Variants in KIAA1755 observed in about 807,000 individuals in gnomAD.
KIAA1755 encodes uncharacterized protein KIAA1755.
Under a neutral mutation model 91.7 loss-of-function variants are expected in KIAA1755, and 68 were observed. The observed-to-expected ratio is 0.74, with a 90% CI of 0.61 to 0.91. The LOEUF is 0.91. KIAA1755 is among the 40% of genes least tolerant of loss of function. KIAA1755 has a pLI of 0.00. For synonymous variants in KIAA1755, 610 were observed against 604.6 expected (o/e 1.01, Z -0.13); for missense variants, 1,535 against 1,494.4 (o/e 1.03, Z -0.45).
At chr20:38,222,882 A>T (rs892132372) in intron 9 of KIAA1755, 3 of 518,928 alleles carry the variant, frequency 5.8e-6, no homozygotes, top group East Asian at 3.5e-5. Context: ...TGTTCTCCAC[A>T]TGGCAGTTGA....
chr20:38,260,327 G>T, intron 1 of KIAA1755, 171 bp downstream of exon 1: 1 of 1,558,282 alleles, frequency 6.4e-7, no homozygotes, highest in African/African-American at 1.4e-5. Context: ...ATGGGCTCCT[G>T]CCCTTGAACC....
chr20:38,256,449 CT>C (rs1420135621), intron 1 of KIAA1755, among the ~76,000 whole-genome samples: 1 of 152,228 alleles, frequency 6.6e-6, no homozygotes, highest in Non-Finnish European at 1.5e-5. Context: ...TTGGCTTACT[CT>C]TTTTTATTAA....
At chr20:38,234,198 A>G (rs1011841670) in intron 4 of KIAA1755, among the ~76,000 whole-genome samples, 12 of 152,192 alleles carry the variant, frequency 7.9e-5, no homozygotes, top group Non-Finnish European at 1.6e-4. Context: ...CTTGCCACCA[A>G]TGACAGATGA....
chr20:38,232,883 C>T (rs1180183944), intron 4 of KIAA1755, among the ~76,000 whole-genome samples: 1 of 151,878 alleles, frequency 6.6e-6, no homozygotes, highest in African/African-American at 2.4e-5. Flanking sequence ...TTTGGGAGAC[C>T]AAGGTAAGAG....
intron 5 of KIAA1755, among the ~76,000 whole-genome samples, chr20:38,229,022 T>C (rs1015013820): frequency 1.3e-5 from 2 of 152,150 alleles, no homozygotes; most frequent in Admixed American, 6.5e-5. Flanking sequence ...CCCACCCCTC[T>C]AGCCATCTGG....
In KIAA1755 at chr20:38,241,872, C is replaced by T; in HGVS notation, c.259G>A (p.Glu87Lys). Residue 87 changes from glutamate to lysine, a missense_variant, in exon 3 of 14, where the codon GAA becomes AAA. Transcript: ENST00000279024. ...AGGGGTGCCAAGTGGACCACAACTTCATCCCTCAGACAGAGTGGCCAGCCC... is the reference window on the plus strand; with the variant it reads ...AGGGGTGCCAAGTGGACCACAACTTTATCCCTCAGACAGAGTGGCCAGCCC... ...HEGWPLCLRD[E>K]VVVHLAPLNP... 1 of 1,614,004 alleles carries T rather than the reference C, an allele frequency of 6.2e-7. No individual in the cohort carries two copies. The highest frequency in any genetic ancestry group is 8.5e-7 in the Non-Finnish European group (1 of 1,180,014).
intron 4 of KIAA1755, 89 bp downstream of exon 4, chr20:38,239,439 C>A: frequency 8.2e-7 from 1 of 1,213,676 alleles, no homozygotes; most frequent in East Asian, 2.4e-5. Context: ...CCAGGGCATT[C>A]CCTGCCTCCC....
chr20:38,254,060 T>C (rs896246447), intron 1 of KIAA1755, among the ~76,000 whole-genome samples: 2 of 152,166 alleles, frequency 1.3e-5, no homozygotes, highest in African/African-American at 4.8e-5. Flanking sequence ...ATTTTTTGTA[T>C]TTTTAGTAGA....
At chr20:38,256,438 A>C (rs755586654) in intron 1 of KIAA1755, among the ~76,000 whole-genome samples, 1 of 152,160 alleles carries the variant, frequency 6.6e-6, no homozygotes, top group Non-Finnish European at 1.5e-5. Flanking sequence ...CTAATTTGTT[A>C]TTGGCTTACT....
At position 38,241,684 on chromosome 20, in the gene KIAA1755, C is replaced by A. The variant is rs771788597; in HGVS notation, c.447G>T (p.Trp149Cys). The A allele has an allele frequency of 5.0e-6, 8 of 1,614,244 alleles. No homozygotes were observed. The South Asian group carries it at 8.8e-5, about 18-fold the overall frequency. The change falls in exon 3 of 14, where the codon TGG becomes TGT. Residue 149 changes from tryptophan to cysteine, a missense_variant. Trp to Cys is a radical substitution (Grantham distance 215). Transcript: ENST00000279024. ...CAAAGTCACTGTTGATGGCCTCCAG[C>A]CATTCTTGGGTGAAAAGTATAGGGT... Reference protein sequence around the residue: ...PAYPILFTQEWLEAINSDFEG... With the variant: ...PAYPILFTQECLEAINSDFEG...
chr20:38,250,171 T>G (rs541249656), intron 1 of KIAA1755, among the ~76,000 whole-genome samples: 8 of 152,218 alleles, frequency 5.3e-5, no homozygotes, highest in Non-Finnish European at 1.2e-4. Context: ...ACTTACATAA[T>G]TGTGTTTTTC....
rs553290488 is a variant in KIAA1755, at chr20:38,234,990, TGGGTAAGTCG to T, written c.1748-3675_1748-3666del. 9.2e-5 allele frequency among the ~76,000 whole-genome samples: 14 copies of T among 152,232 alleles called. No homozygotes were observed. In the East Asian group the frequency reaches 2.5e-3, roughly 27 times the overall value. ...AATGAGGATGGCAAAATGAGGGTGG[TGGGTAAGTCG>T]GGGTTGCCCAAAGTTGCTGAAAAAT... On this transcript the variant is annotated intron_variant, in intron 4 of 13. Transcript: ENST00000279024.
At chr20:38,227,105 C>T (rs1185764288) in intron 7 of KIAA1755, 49 bp downstream of exon 7, 8 of 1,429,710 alleles carry the variant, frequency 5.6e-6, no homozygotes, top group East Asian at 2.3e-5. Flanking sequence ...CAGCTCAGCT[C>T]GAGCCCAACA....
intron 6 of KIAA1755, 69 bp from the exon 7 acceptor site, chr20:38,227,309 C>T (rs2075777181): frequency 8.3e-7 from 1 of 1,205,368 alleles, no homozygotes; most frequent in African/African-American, 1.5e-5. Flanking sequence ...CTTTGATTTC[C>T]TCCTTCATCC....
At chr20:38,258,704 G>T (rs2076382033) in intron 1 of KIAA1755, among the ~76,000 whole-genome samples, 1 of 152,204 alleles carries the variant, frequency 6.6e-6, no homozygotes, top group African/African-American at 2.4e-5. Context: ...GCAGCAGGGA[G>T]CGTGAACCAT....
chr20:38,233,610 A>AC (rs2075906856), intron 4 of KIAA1755: 1 of 151,942 alleles, frequency 6.6e-6, no homozygotes, highest in Admixed American at 6.6e-5. Context: ...TGCCTGATTC[A>AC]CCCCTTGAAT....
At chr20:38,255,821 T>C (rs951170974) in intron 1 of KIAA1755, among the ~76,000 whole-genome samples, 7 of 152,160 alleles carry the variant, frequency 4.6e-5, no homozygotes, top group Non-Finnish European at 8.8e-5. Flanking sequence ...GCTCTGTCTG[T>C]ATCATCTGCA....
chr20:38,259,644 A>G (rs1205425), intron 1 of KIAA1755, among the ~76,000 whole-genome samples: 151,239 of 151,242 alleles, frequency 1, 75,618 homozygotes, highest in Middle Eastern at 1. Context: ...TCACAGTCAC[A>G]GGGTTAAAGC....
At chr20:38,226,677 G>T (rs2075762555) in intron 7 of KIAA1755, among the ~76,000 whole-genome samples, 1 of 152,166 alleles carries the variant, frequency 6.6e-6, no homozygotes, top group Non-Finnish European at 1.5e-5. Context: ...GCTCTTTCCT[G>T]CAGAGTCCCG....
Sources: allele counts gnomAD v4.1 joint callset (sites outside exome capture counted in the v4.1 genomes callset), GRCh38; gene constraint gnomAD v4.1.1; transcripts MANE v1.5; gene names NCBI Gene and HGNC (gene_info 2026-07-23, HGNC 2026-07-21).